Variants in FEZ2 observed in about 807,000 individuals in gnomAD.
FEZ2 encodes the protein fasciculation and elongation protein zeta 2.
In FEZ2, 51 loss-of-function variants were observed where a neutral mutation model predicts 40.4. The observed-to-expected ratio is 1.26, with a 90% CI of 1.01 to 1.59. The LOEUF is 1.59. Ranked by LOEUF, FEZ2 falls within the 40% of genes most tolerant of loss-of-function variation. The probability of loss-of-function intolerance (pLI) is 0.00; values close to 1 mark genes in which losing one functional copy is unlikely to be tolerated. For missense variants in FEZ2, 640 were observed against 438.3 expected (o/e 1.46, Z -4.11); for synonymous variants, 242 against 172.0 (o/e 1.41, Z -3.18).
intron 5 of FEZ2, among the ~76,000 whole-genome samples, chr2:36,572,333 C>T (rs1333709201): frequency 6.6e-6 from 1 of 152,170 alleles, no homozygotes; most frequent in Non-Finnish European, 1.5e-5. Context: ...AGAAAAGGAA[C>T]AATTCAACAT....
chr2:36,576,551 G>A (rs765956979), intron 5 of FEZ2, among the ~76,000 whole-genome samples: 7 of 152,290 alleles, frequency 4.6e-5, no homozygotes, highest in South Asian at 4.1e-4. Context: ...GATTACAGGC[G>A]TGAGCCACCG....
intron 3 of FEZ2, among the ~76,000 whole-genome samples, chr2:36,582,588 C>T (rs976286221): frequency 2.0e-5 from 3 of 152,166 alleles, no homozygotes; most frequent in Non-Finnish European, 4.4e-5. Flanking sequence ...CTTTTTTAAG[C>T]ACCACATTCT....
chr2:36,570,803 A>G (rs1668386494), intron 5 of FEZ2, among the ~76,000 whole-genome samples: 1 of 152,252 alleles, frequency 6.6e-6, no homozygotes, highest in Non-Finnish European at 1.5e-5. Flanking sequence ...GAAAAAGTAC[A>G]GTAAAAATAC....
intron 3 of FEZ2, among the ~76,000 whole-genome samples, chr2:36,582,799 T>C (rs1340339965): frequency 6.6e-6 from 1 of 152,210 alleles, no homozygotes; most frequent in Admixed American, 6.5e-5. Flanking sequence ...AGGAAGAAGT[T>C]CTGGCATCAC....
In FEZ2 at chr2:36,560,965, A is replaced by G. The variant is rs1029181013; in HGVS notation, c.904-2452T>C. 36 of 617,600 alleles carry G rather than the reference A, an allele frequency of 5.8e-5. No homozygotes were observed. In the African/African-American group the frequency reaches 6.7e-4, roughly 12 times the overall value. 38.3% of individuals were successfully genotyped at this position (617,600 alleles called of 1,614,324 possible). ...ATGATGACTTATGTGCCCAAGAGGC[A>G]AGCAGTTAGAAAATGCCACTACTCA... On this transcript the variant is annotated intron_variant, in intron 5 of 7. Coordinates refer to ENST00000405912, the MANE Select transcript of FEZ2 (RefSeq NM_005102.3).
chr2:36,581,183 A>T, intron 4 of FEZ2, 107 bp downstream of exon 4: 1 of 1,084,488 alleles, frequency 9.2e-7, no homozygotes, highest in Non-Finnish European at 1.3e-6. Flanking sequence ...TTGGACACAA[A>T]CACAAACAGA....
At chr2:36,585,138 A>T (rs745651594) in intron 2 of FEZ2, among the ~76,000 whole-genome samples, 6 of 152,224 alleles carry the variant, frequency 3.9e-5, no homozygotes, top group Non-Finnish European at 7.3e-5. Flanking sequence ...ATCAGGAATC[A>T]AAATGTCAAG....
chr2:36,553,373 G>A (rs770214077), intron 7 of FEZ2, among the ~76,000 whole-genome samples, 194 bp from the exon 8 acceptor site: 1 of 152,138 alleles, frequency 6.6e-6, no homozygotes, highest in South Asian at 2.1e-4. Context: ...ACACACATTA[G>A]AATTTCCCAG....
intron 1 of FEZ2, among the ~76,000 whole-genome samples, chr2:36,593,673 C>G (rs191178189): frequency 3.8e-4 from 58 of 152,140 alleles, no homozygotes; most frequent in Non-Finnish European, 6.8e-4. Flanking sequence ...GCCCAGCTCA[C>G]GAAACCACTT....
intron 5 of FEZ2, among the ~76,000 whole-genome samples, chr2:36,570,545 A>G (rs1668378847): frequency 6.6e-6 from 1 of 152,246 alleles, no homozygotes; most frequent in Non-Finnish European, 1.5e-5. Flanking sequence ...TACTCTAAGT[A>G]CAGTCATGTG....
At chr2:36,555,614 G>T in intron 7 of FEZ2, 69 bp downstream of exon 7, 1 of 773,030 alleles carries the variant, frequency 1.3e-6, no homozygotes, top group Non-Finnish European at 2.1e-6. Context: ...TAATGTATTA[G>T]CAAGGCGATG....
chr2:36,577,551 G>A (rs898993743), intron 5 of FEZ2, among the ~76,000 whole-genome samples: 8 of 152,194 alleles, frequency 5.3e-5, no homozygotes, highest in African/African-American at 1.9e-4. Context: ...ACCGTGCCCA[G>A]CCACGATGTC....
At chr2:36,569,889 GACTCTT>G (rs1311028988) in intron 5 of FEZ2, among the ~76,000 whole-genome samples, 1 of 152,130 alleles carries the variant, frequency 6.6e-6, no homozygotes, top group East Asian at 1.9e-4. Flanking sequence ...ATCTATTTCT[GACTCTT>G]ACTCTAATCT....
At chr2:36,582,618 CA>C (rs1239031490) in intron 3 of FEZ2, among the ~76,000 whole-genome samples, 1 of 152,166 alleles carries the variant, frequency 6.6e-6, no homozygotes, top group East Asian at 1.9e-4. Context: ...TAGAACAATT[CA>C]ACCACAAATA....
chr2:36,574,934 G>A (rs560377021), intron 5 of FEZ2, among the ~76,000 whole-genome samples: 31 of 152,216 alleles, frequency 2.0e-4, no homozygotes, highest in Non-Finnish European at 3.8e-4. Flanking sequence ...CTCTTCAAAC[G>A]GAGAATTGGA....
At chr2:36,564,341 CA>C (rs1668173653) in intron 5 of FEZ2, among the ~76,000 whole-genome samples, 2 of 152,098 alleles carry the variant, frequency 1.3e-5, no homozygotes. Flanking sequence ...AAAACACAAA[CA>C]AAAAAATTTA....
intron 1 of FEZ2, among the ~76,000 whole-genome samples, chr2:36,597,314 C>T (rs1011379344): frequency 6.6e-6 from 1 of 152,172 alleles, no homozygotes; most frequent in Admixed American, 6.5e-5. Context: ...TAAAGTCGTT[C>T]CTTACTCTCC....
intron 5 of FEZ2, among the ~76,000 whole-genome samples, chr2:36,575,414 C>T (rs1284592094): frequency 6.6e-6 from 1 of 152,126 alleles, no homozygotes; most frequent in Non-Finnish European, 1.5e-5. Flanking sequence ...GCCTCAAACT[C>T]CTGGGCTCAA....
chr2:36,593,649 C>G (rs1345449950), intron 1 of FEZ2, among the ~76,000 whole-genome samples: 1 of 152,058 alleles, frequency 6.6e-6, no homozygotes, highest in African/African-American at 2.4e-5. Flanking sequence ...CCGCATACAG[C>G]AGGCAGACCC....
Sources: gnomAD v4.1 joint callset for allele counts (sites outside exome capture counted in the v4.1 genomes callset) on GRCh38, gnomAD v4.1.1 for gene constraint, MANE v1.5 for transcripts, NCBI Gene and HGNC (gene_info 2026-07-23, HGNC 2026-07-21) for gene names.